Variants in VAV2 observed in about 807,000 individuals in gnomAD.
VAV2 encodes the protein vav guanine nucleotide exchange factor 2, also known as guanine nucleotide exchange factor VAV2.
Under a neutral mutation model 132.5 loss-of-function variants are expected in VAV2, and 67 were observed. That is an observed-to-expected ratio of 0.51 (90% confidence interval 0.42 to 0.62). The LOEUF (loss-of-function observed/expected upper bound fraction) is 0.62. VAV2 is among the 20% of genes least tolerant of loss of function. VAV2 has a pLI of 0.00. For synonymous variants in VAV2, 492 were observed against 443.5 expected, an observed-to-expected ratio of 1.11 and a Z score of -1.37; for missense variants, 938 against 1,153.6, an observed-to-expected ratio of 0.81 and a Z score of 2.71.
chr9:133,910,626 C>T (rs1053971306), intron 2 of VAV2, among the ~76,000 whole-genome samples: 8 of 145,668 alleles, frequency 5.5e-5, no homozygotes, highest in African/African-American at 7.6e-5. Flanking sequence ...CTGGCTAACA[C>T]GGTGAAACCC....
At position 133,810,216 on chromosome 9, in the gene VAV2, G is replaced by A; in HGVS notation, c.553-11C>T. 1 of 1,613,426 alleles carries A rather than the reference G, an allele frequency of 6.2e-7. No individual in the cohort carries two copies. Among genetic ancestry groups the A allele is most frequent in the Non-Finnish European group, 8.5e-7 (1 of 1,179,842 alleles). Reference sequence around the variant, plus strand: ...CTGCATGTATCTAATCTGCAAGCGTGGAGAAAGAACCAGAAACAGCGCCGG... The same window carrying A: ...CTGCATGTATCTAATCTGCAAGCGTAGAGAAAGAACCAGAAACAGCGCCGG... On this transcript the variant is annotated splice_polypyrimidine_tract_variant and intron_variant, in intron 5 of 29. Coordinates refer to ENST00000371850, the MANE Select transcript of VAV2 (RefSeq NM_001134398.2).
At chr9:133,937,486 G>A (rs536134480) in intron 2 of VAV2, among the ~76,000 whole-genome samples, 29 of 101,620 alleles carry the variant, frequency 2.9e-4, no homozygotes, top group African/African-American at 8.9e-4. Context: ...TGTGGGGTGG[G>A]TGCAAGAGTG....
At chr9:133,917,710 G>A (rs900246534) in intron 2 of VAV2, among the ~76,000 whole-genome samples, 4 of 152,216 alleles carry the variant, frequency 2.6e-5, no homozygotes, top group African/African-American at 9.7e-5. Flanking sequence ...ACTGGCCCAG[G>A]CCGGGCATCC....
intron 10 of VAV2, 33 bp downstream of exon 10, chr9:133,797,677 C>T (rs1834772301): frequency 6.3e-7 from 1 of 1,593,034 alleles, no homozygotes. Context: ...AACCTTGGAG[C>T]CAGGGCCAGG....
chr9:133,762,689 C>T lies in VAV2; in HGVS notation c.*1373G>A, dbSNP rs1833299369. ...TCCCCATCCCCATGACTCCTCCCGC[C>T]TCTTCCCTACACCCCAGAGGCATAC... On this transcript the variant is annotated 3_prime_UTR_variant, in exon 30 of 30. Transcript: ENST00000371850. This position sits in a 1 kb window ranked among gnomAD's most constrained non-coding sequence, Gnocchi z 5.0. 1 of 152,480 alleles carries T rather than the reference C, an allele frequency of 6.6e-6. No individual in the cohort carries two copies. The highest frequency in any genetic ancestry group is 2.1e-4 in the South Asian group (1 of 4,834). The allele number at this position is 152,480 out of a possible 1,614,324, so 9.4% of individuals were successfully genotyped here.
chr9:133,903,818 G>A (rs1483956621), intron 2 of VAV2, among the ~76,000 whole-genome samples: 2 of 152,188 alleles, frequency 1.3e-5, no homozygotes, highest in Admixed American at 6.6e-5. Context: ...GGTCCACACT[G>A]AGACCCGGAG....
intron 12 of VAV2, among the ~76,000 whole-genome samples, chr9:133,792,346 C>G (rs1197264657): frequency 8.4e-6 from 1 of 118,672 alleles, no homozygotes; most frequent in Non-Finnish European, 1.7e-5. Context: ...GTGAGCTGTG[C>G]TGGGTGGGGT....
At chr9:133,960,625 G>A (rs1841936127) in intron 1 of VAV2, among the ~76,000 whole-genome samples, 1 of 152,204 alleles carries the variant, frequency 6.6e-6, no homozygotes, top group Admixed American at 6.5e-5. Context: ...TTCTTTTCCT[G>A]TTCACTAGGA....
intron 19 of VAV2, among the ~76,000 whole-genome samples, chr9:133,781,775 G>A (rs1007902137): frequency 2.6e-5 from 4 of 152,234 alleles, no homozygotes; most frequent in South Asian, 2.1e-4. Flanking sequence ...TCCCCCAGCA[G>A]AGGGATGAGG....
intron 3 of VAV2, among the ~76,000 whole-genome samples, chr9:133,854,266 C>T (rs1258094002): frequency 2.8e-5 from 4 of 145,272 alleles, no homozygotes; most frequent in Non-Finnish European, 3.0e-5. Flanking sequence ...CACACACACA[C>T]GCACATACCC....
At chr9:133,865,650 G>A (rs184899065) in intron 2 of VAV2, among the ~76,000 whole-genome samples, 216 of 151,354 alleles carry the variant, frequency 1.4e-3, no homozygotes, top group African/African-American at 4.4e-3. Context: ...CCTTTTTTCC[G>A]AGAATAGAAA....
Position 133,794,291 on chromosome 9 carries a change from GC to G in VAV2, c.1101+1376del, listed in dbSNP as rs1379284613. ...AGCTGACACCGAGAAAGTTCTGTCAGCCCGTCATGGCAGGAGGCTTTCCTGG... is the reference window on the plus strand; with the variant it reads ...AGCTGACACCGAGAAAGTTCTGTCAGCCGTCATGGCAGGAGGCTTTCCTGG... On this transcript the variant is annotated intron_variant, in intron 12 of 29. Transcript: ENST00000371850. This position sits in a 1 kb window ranked among gnomAD's most constrained non-coding sequence, Gnocchi z 4.6. 2.0e-5 allele frequency among the ~76,000 whole-genome samples: 3 copies of G among 152,134 alleles called. No homozygotes were observed. The highest frequency in any genetic ancestry group is 7.2e-5 in the African/African-American group (3 of 41,432).
intron 3 of VAV2, among the ~76,000 whole-genome samples, chr9:133,837,713 A>G (rs2993800): frequency 7.3e-6 from 1 of 136,358 alleles, no homozygotes; most frequent in Non-Finnish European, 1.6e-5. Flanking sequence ...AAAATAAATT[A>G]AAAAAAAAAA....
chr9:133,901,293 C>T (rs12345326), intron 2 of VAV2, among the ~76,000 whole-genome samples: 12,734 of 152,250 alleles, frequency 0.084, 1,002 homozygotes, highest in African/African-American at 0.21. Flanking sequence ...CCACTCCCCA[C>T]GGGTCTCCTC....
At chr9:133,805,282 C>A (rs1291566573) in intron 9 of VAV2, among the ~76,000 whole-genome samples, 1 of 152,124 alleles carries the variant, frequency 6.6e-6, no homozygotes, top group African/African-American at 2.4e-5. Context: ...CAAGAGTGGA[C>A]CCCGGACATG....
Position 133,769,485 on chromosome 9 carries a change from T to C in VAV2, c.2366A>G (p.Asn789Ser), listed in dbSNP as rs1215778665. The C allele has an allele frequency of 1.9e-6, 3 of 1,612,470 alleles. No homozygotes were observed. Among genetic ancestry groups the C allele is most frequent in the Non-Finnish European group, 2.5e-6 (3 of 1,179,318 alleles). ...GCCCTGAGGACTGAGAAAAGAAAAGTTGTAGGAAGCACAGGAAGCTGCAAA... is the reference window on the plus strand; with the variant it reads ...GCCCTGAGGACTGAGAAAAGAAAAGCTGTAGGAAGCACAGGAAGCTGCAAA... Reference protein sequence around the residue: ...SRSPASCASYNFSFLSPQGLS... With the variant: ...SRSPASCASYSFSFLSPQGLS... Residue 789 changes from asparagine (N) to serine (S), a missense_variant, in exon 28 of 30, where the codon AAC becomes AGC. Asn to Ser is a conservative substitution (Grantham distance 46, BLOSUM62 1). Transcript: ENST00000371850. This position sits in a 1 kb window ranked among gnomAD's most constrained non-coding sequence, Gnocchi z 8.1.
intron 9 of VAV2, among the ~76,000 whole-genome samples, chr9:133,803,342 G>A (rs983481010): frequency 2.6e-5 from 4 of 152,072 alleles, no homozygotes; most frequent in African/African-American, 4.8e-5. Flanking sequence ...CCAGCTCCCC[G>A]AGGTCGTTCC....
At chr9:133,970,122 G>A (rs905394595) in intron 1 of VAV2, among the ~76,000 whole-genome samples, 2 of 151,994 alleles carry the variant, frequency 1.3e-5, no homozygotes, top group East Asian at 1.9e-4. Flanking sequence ...CACTCCTCCC[G>A]CTCCCCTCAG....
intron 2 of VAV2, among the ~76,000 whole-genome samples, chr9:133,900,988 C>T (rs149386455): frequency 3.0e-3 from 460 of 151,680 alleles, no homozygotes; most frequent in Non-Finnish European, 4.9e-3. Context: ...TTAGTAGAGA[C>T]GGGGTTTCAC....
Sources: gnomAD v4.1 joint callset for allele counts (sites outside exome capture counted in the v4.1 genomes callset) on GRCh38, gnomAD v4.1.1 for gene constraint, Gnocchi (gnomAD v3.1) non-coding constraint, MANE v1.5 for transcripts, NCBI Gene and HGNC (gene_info 2026-07-23, HGNC 2026-07-21) for gene names.